The following MED12L variants were observed in gnomAD, a reference collection of about 807,000 sequenced individuals.
MED12L encodes mediator of RNA polymerase II transcription subunit 12-like protein.
A neutral mutation model predicts 281.3 loss-of-function variants in MED12L; 60 were observed. The observed-to-expected ratio is 0.21, with a 90% CI of 0.17 to 0.26. The LOEUF (loss-of-function observed/expected upper bound fraction) is 0.26, where lower values mean the gene tolerates loss of function less well. Among genes scored for constraint, MED12L ranks in the 10% least tolerant of loss-of-function variants. The pLI is 1.00. For missense variants in MED12L, 2,146 were observed against 2,680.9 expected, an observed-to-expected ratio of 0.80 and a Z score of 4.41; for synonymous variants, 974 against 987.2, an observed-to-expected ratio of 0.99 and a Z score of 0.25.
chr3:151,189,312 TAGA>T (rs937042242), intron 13 of MED12L, among the ~76,000 whole-genome samples: 1 of 152,020 alleles, frequency 6.6e-6, no homozygotes, highest in Non-Finnish European at 1.5e-5. Context: ...GCTTCCAGGC[TAGA>T]AGGAGAGCAA....
intron 16 of MED12L, among the ~76,000 whole-genome samples, chr3:151,342,556 G>A (rs148239903): frequency 4.3e-4 from 65 of 152,302 alleles, no homozygotes; most frequent in African/African-American, 1.4e-3. Flanking sequence ...ATTTTAGTGA[G>A]CCTTCCATTG....
rs560558243 is a variant in MED12L, at chr3:151,376,226, A to G, written c.4053+12A>G. On this transcript the variant is annotated intron_variant, in intron 28 of 44. Coordinates refer to ENST00000687756, the MANE Select transcript of MED12L (RefSeq NM_001393769.1). ...AGCGTATTCTTCAGGTCAGTCGTAT[A>G]CAGATTGTGTTTCTGTCATTTGATA... 9 of 1,440,778 alleles carry G rather than the reference A, an allele frequency of 6.2e-6. No individual in the cohort carries two copies. The South Asian group carries it at 1.1e-4, about 18-fold the overall frequency. 89.2% of individuals were successfully genotyped at this position (1,440,778 alleles called of 1,614,324 possible). A position where few individuals can be genotyped will look rare whatever the true frequency, so the allele number is the denominator to read the frequency against.
intron 27 of MED12L, among the ~76,000 whole-genome samples, chr3:151,375,490 C>T (rs1169882646): frequency 6.6e-6 from 1 of 152,106 alleles, no homozygotes; most frequent in Non-Finnish European, 1.5e-5. Flanking sequence ...CCAGCAATTG[C>T]ACTTCTATGA....
Position 151,132,671 on chromosome 3 carries a change from C to G in MED12L, c.556+4687C>G, listed in dbSNP as rs187610198. ...AATTTACCTGTGTAAATATACAGTTCCTTTCTCTATATTCTTATATGTATT... is the reference window on the plus strand; with the variant it reads ...AATTTACCTGTGTAAATATACAGTTGCTTTCTCTATATTCTTATATGTATT... On this transcript the variant is annotated intron_variant, in intron 5 of 44. Transcript: ENST00000687756. Among the ~76,000 whole-genome samples, 6 of 152,192 alleles carry G rather than the reference C, an allele frequency of 3.9e-5. No homozygotes were observed. In the East Asian group the frequency reaches 1.2e-3, roughly 29 times the overall value.
chr3:151,303,685 C>T (rs968439913), intron 16 of MED12L, among the ~76,000 whole-genome samples: 1 of 152,140 alleles, frequency 6.6e-6, no homozygotes, highest in Non-Finnish European at 1.5e-5. Flanking sequence ...ATTGCTTGAA[C>T]CCAGGAGGCG....
Position 151,173,240 on chromosome 3 carries a change from A to G in MED12L, c.1494+7258A>G, listed in dbSNP as rs553424057. Among the ~76,000 whole-genome samples, 384 of 152,212 alleles carry G rather than the reference A, an allele frequency of 2.5e-3. 1 individual carries two copies. Among genetic ancestry groups the G allele is most frequent in the African/African-American group, 8.7e-3 (362 of 41,514 alleles). On this transcript the variant is annotated intron_variant, in intron 11 of 44. Coordinates refer to ENST00000687756, the MANE Select transcript of MED12L (RefSeq NM_001393769.1). ...TTTTACTTTTTTGACAAGGCAACCA[A>G]TGCTAGAGAGGATGAGAAATTGTTG...
Position 151,147,518 on chromosome 3 carries a change from C to T in MED12L, c.557-8643C>T, listed in dbSNP as rs146264132. On this transcript the variant is annotated intron_variant, in intron 5 of 44. Coordinates refer to ENST00000687756, the MANE Select transcript of MED12L (RefSeq NM_001393769.1). ...ACCCCATGCCCATGAGCAGTCACTC[C>T]CCATTTGCCTTCAGTAGCCGCAGGC... Among the ~76,000 whole-genome samples the T allele has an allele frequency of 2.6e-3, 393 of 152,236 alleles. 1 individual carries two copies. The highest frequency in any genetic ancestry group is 9.2e-3 in the African/African-American group (383 of 41,500).
In MED12L at chr3:151,413,423, C is replaced by T. The variant is rs561257817; in HGVS notation, c.6297+128C>T. The stretch of plus-strand genomic sequence containing the variant: ...TCCAAGGATCCCTGTGGATTTGATG[C>T]TAGGAGCTACATTGGTACAATTTAG... On this transcript the variant is annotated intron_variant, in intron 42 of 44. Transcript: ENST00000687756. 20 of 1,132,738 alleles carry T rather than the reference C, an allele frequency of 1.8e-5. No homozygotes were observed. The East Asian group carries it at 4.8e-4, about 27-fold the overall frequency. 70.2% of individuals were successfully genotyped at this position (1,132,738 alleles called of 1,614,324 possible).
chr3:151,213,703 A>G (rs1453414068), intron 16 of MED12L: 1 of 1,614,214 alleles, frequency 6.2e-7, no homozygotes, highest in East Asian at 2.2e-5. Flanking sequence ...AGCAGTATAG[A>G]AAACGATTAA....
Position 151,247,962 on chromosome 3 carries a change from C to CTTTTTTTTTTTT in MED12L, c.2250+54308_2250+54319dup, listed in dbSNP as rs61102632. On this transcript the variant is annotated intron_variant, in intron 16 of 44. Transcript: ENST00000687756. The stretch of plus-strand genomic sequence containing the variant: ...GTTTACTTTCTTTCTTCTTCTTCTT[C>CTTTTTTTTTTTT]TTTTTTTTTTTTTTTTTTTTTTTGC... 5.4e-4 allele frequency among the ~76,000 whole-genome samples: 41 copies of CTTTTTTTTTTTT among 75,896 alleles called. 1 individual carries two copies. Among genetic ancestry groups the CTTTTTTTTTTTT allele is most frequent in the African/African-American group, 8.6e-4 (16 of 18,694 alleles). The allele number at this position is 75,896 out of a possible 152,430, so 49.8% of individuals were successfully genotyped here.
At position 151,184,365 on chromosome 3, in the gene MED12L, C is replaced by T. The variant is rs145433791; in HGVS notation, c.1495-965C>T. On this transcript the variant is annotated intron_variant, in intron 11 of 44. Transcript: ENST00000687756. ...GTTCTTCCATGGCGTGTGCTCATAG[C>T]CATATCGTAATCTTAATTGAGTTTA... Among the ~76,000 whole-genome samples, 339 of 152,288 alleles carry T rather than the reference C, an allele frequency of 2.2e-3. 2 individuals carry two copies. The highest frequency in any genetic ancestry group is 7.6e-3 in the African/African-American group (315 of 41,574).
At chr3:151,346,249 A>G (rs937378638) in intron 16 of MED12L, among the ~76,000 whole-genome samples, 7 of 152,100 alleles carry the variant, frequency 4.6e-5, no homozygotes, top group Admixed American at 4.6e-4. Flanking sequence ...CTAAGAGGCC[A>G]TTGTCTCTTA....
At chr3:151,309,221 T>G (rs1235845454) in intron 16 of MED12L, among the ~76,000 whole-genome samples, 1 of 152,178 alleles carries the variant, frequency 6.6e-6, no homozygotes, top group Non-Finnish European at 1.5e-5. Context: ...TAATCATGTT[T>G]TAAACAATGT....
intron 38 of MED12L, among the ~76,000 whole-genome samples, chr3:151,392,724 A>G (rs1714434601): frequency 6.6e-6 from 1 of 152,144 alleles, no homozygotes; most frequent in Non-Finnish European, 1.5e-5. Flanking sequence ...TAAAGTTGTA[A>G]GGAAATGCAT....
chr3:151,156,988 A>C (rs1396400158), intron 6 of MED12L, among the ~76,000 whole-genome samples: 1 of 152,120 alleles, frequency 6.6e-6, no homozygotes, highest in African/African-American at 2.4e-5. Flanking sequence ...CTTTATTATA[A>C]TTTTCATGCT....
At chr3:151,326,311 C>A (rs977009148) in intron 16 of MED12L, 4 of 152,558 alleles carry the variant, frequency 2.6e-5, no homozygotes, top group African/African-American at 7.2e-5. Flanking sequence ...ACCAAATGGG[C>A]TTTATTTTAT....
chr3:151,133,338 G>A (rs1715677343), intron 5 of MED12L, among the ~76,000 whole-genome samples: 2 of 152,326 alleles, frequency 1.3e-5, no homozygotes, highest in South Asian at 4.1e-4. Flanking sequence ...TATGCAGAGA[G>A]TTACAGATCT....
intron 16 of MED12L, among the ~76,000 whole-genome samples, chr3:151,223,358 A>G (rs763142086): frequency 5.9e-5 from 9 of 152,300 alleles, no homozygotes; most frequent in Non-Finnish European, 1.3e-4. Context: ...TCAAAGAAAA[A>G]CAAATTGTTT....
intron 43 of MED12L, among the ~76,000 whole-genome samples, chr3:151,419,509 G>A (rs1718000177): frequency 2.0e-5 from 3 of 152,144 alleles, no homozygotes; most frequent in Non-Finnish European, 4.4e-5. Flanking sequence ...GGGTGCGTCT[G>A]CCTTCCCCAT....
Sources: gnomAD v4.1 joint callset for allele counts (sites outside exome capture counted in the v4.1 genomes callset) on GRCh38, gnomAD v4.1.1 for gene constraint, MANE v1.5 for transcripts, NCBI Gene and HGNC (gene_info 2026-07-23, HGNC 2026-07-21) for gene names.